ZC3H12B: variants seen among roughly 807,000 people sequenced by gnomAD.
ZC3H12B encodes the protein probable ribonuclease ZC3H12B.
Under a neutral mutation model 43.9 loss-of-function variants are expected in ZC3H12B, and 7 were observed. That is an observed-to-expected ratio of 0.16 (90% CI 0.09 to 0.30). ZC3H12B has a LOEUF of 0.30. ZC3H12B is among the 10% of genes least tolerant of loss of function. ZC3H12B has a pLI of 1.00. For missense variants in ZC3H12B, 475 were observed against 670.2 expected (o/e 0.71, Z 3.22); for synonymous variants, 222 against 241.7 (o/e 0.92, Z 0.76).
intron 3 of ZC3H12B, among the ~76,000 whole-genome samples, chrX:65,428,467 C>A (rs747092298): frequency 1.8e-5 from 2 of 112,421 alleles, no homozygotes; most frequent in Admixed American, 1.9e-4. Context: ...ATTCCTTTTT[C>A]TCTATTCTTG....
chrX:65,200,623 A>G, the ZC3H12B span, among the ~76,000 whole-genome samples: 1 of 107,584 alleles, frequency 9.3e-6, no homozygotes, highest in Admixed American at 1.0e-4. Context: ...TTTAGTAGAG[A>G]TGAGGATTCA....
At chrX:65,188,471 G>C in the ZC3H12B span, among the ~76,000 whole-genome samples, 2 of 107,098 alleles carry the variant, frequency 1.9e-5, 1 homozygote, top group East Asian at 5.9e-4. Flanking sequence ...TATTGTTGCT[G>C]GTATTTGTTA....
chrX:65,501,061 A>G (rs2068359849), intron 4 of ZC3H12B, among the ~76,000 whole-genome samples: 1 of 111,273 alleles, frequency 9.0e-6, no homozygotes, highest in South Asian at 3.7e-4. Context: ...TCACTTACCA[A>G]GGTCACACAG....
At chrX:65,149,076 G>A in the ZC3H12B span, among the ~76,000 whole-genome samples, 7 of 111,730 alleles carry the variant, frequency 6.3e-5, no homozygotes, top group Non-Finnish European at 1.1e-4. Flanking sequence ...TTGTGAAGGA[G>A]AGACTACCTG....
At chrX:65,253,245 G>A in the ZC3H12B span, among the ~76,000 whole-genome samples, 1 of 112,224 alleles carries the variant, frequency 8.9e-6, no homozygotes, top group African/African-American at 3.2e-5. Context: ...GGAGAAGGAA[G>A]CAGGGAACCC....
chrX:65,104,917 G>A, the ZC3H12B span, among the ~76,000 whole-genome samples: 3 of 111,264 alleles, frequency 2.7e-5, no homozygotes, highest in Non-Finnish European at 5.7e-5. Context: ...TATACCCAAA[G>A]GATTATAAAT....
At chrX:65,122,571 T>A in the ZC3H12B span, among the ~76,000 whole-genome samples, 2 of 111,406 alleles carry the variant, frequency 1.8e-5, no homozygotes, top group African/African-American at 3.3e-5. Context: ...AGTTCTCCAA[T>A]TAAAAGAGAC....
intron 3 of ZC3H12B, among the ~76,000 whole-genome samples, chrX:65,421,440 C>T (rs999408393): frequency 5.4e-5 from 6 of 112,062 alleles, no homozygotes; most frequent in Non-Finnish European, 7.5e-5. Flanking sequence ...TTTATCGGCA[C>T]GATCAGCCAA....
At chrX:65,043,056 A>G in the ZC3H12B span, among the ~76,000 whole-genome samples, 1 of 111,741 alleles carries the variant, frequency 8.9e-6, no homozygotes, top group African/African-American at 3.2e-5. Flanking sequence ...ACGAATTCCA[A>G]TTCTCAATTC....
the ZC3H12B span, among the ~76,000 whole-genome samples, chrX:65,053,086 C>A: frequency 0.083 from 9,195 of 110,852 alleles, 1,015 homozygotes; most frequent in African/African-American, 0.29. Context: ...CTATTGTTCA[C>A]ATGCCTGTTT....
chrX:65,183,345 A>G, the ZC3H12B span, among the ~76,000 whole-genome samples: 1 of 111,899 alleles, frequency 8.9e-6, no homozygotes, highest in East Asian at 2.8e-4. Context: ...GTTCTAACTT[A>G]CATGTGAAAA....
chrX:65,453,741 A>T (rs1252729511), intron 3 of ZC3H12B, among the ~76,000 whole-genome samples: 1 of 110,304 alleles, frequency 9.1e-6, no homozygotes, highest in Non-Finnish European at 1.9e-5. Context: ...ACACACAAAA[A>T]GGAATAAAAT....
At chrX:65,154,139 G>A in the ZC3H12B span, among the ~76,000 whole-genome samples, 3 of 111,214 alleles carry the variant, frequency 2.7e-5, no homozygotes, top group Non-Finnish European at 3.8e-5. Flanking sequence ...TAAATGACGA[G>A]TTAATGGGTT....
chrX:65,152,410 A>G, the ZC3H12B span, among the ~76,000 whole-genome samples: 1 of 111,809 alleles, frequency 8.9e-6, no homozygotes, highest in Admixed American at 9.5e-5. Flanking sequence ...CAATGTACAA[A>G]AATCACAAGC....
intron 3 of ZC3H12B, 66 bp downstream of exon 8, chrX:65,499,299 A>C (rs1167001877): frequency 1.2e-6 from 1 of 855,585 alleles, no homozygotes; most frequent in Non-Finnish European, 1.7e-6. Flanking sequence ...TTTAATAAAC[A>C]TTTACCAAAC....
chrX:65,040,370 CTG>C, the ZC3H12B span, among the ~76,000 whole-genome samples: 5 of 99,988 alleles, frequency 5.0e-5, no homozygotes, highest in Non-Finnish European at 9.7e-5. Context: ...CTATCATTAA[CTG>C]TTTTTTTTTT....
the ZC3H12B span, among the ~76,000 whole-genome samples, chrX:65,079,672 G>A: frequency 8.9e-6 from 1 of 112,548 alleles, no homozygotes; most frequent in African/African-American, 3.2e-5. Flanking sequence ...CTGGGCTTGG[G>A]TTGCCCACAA....
At chrX:65,317,384 T>G in the ZC3H12B span, among the ~76,000 whole-genome samples, 1 of 111,000 alleles carries the variant, frequency 9.0e-6, no homozygotes, top group Non-Finnish European at 1.9e-5. Context: ...TCTTTTAAAT[T>G]TTTTTATTTC....
At chrX:65,049,690 T>A in the ZC3H12B span, among the ~76,000 whole-genome samples, 1 of 111,539 alleles carries the variant, frequency 9.0e-6, no homozygotes, top group South Asian at 3.7e-4. Context: ...TAGGATTGTT[T>A]TCTATTTTTG....
Sources: gnomAD v4.1 joint callset for allele counts (sites outside exome capture counted in the v4.1 genomes callset) on GRCh38, gnomAD v4.1.1 for gene constraint, MANE v1.5 for transcripts, NCBI Gene and HGNC (gene_info 2026-07-23, HGNC 2026-07-21) for gene names.